The following PTPN3 variants were observed in gnomAD, a reference collection of about 807,000 sequenced individuals.
PTPN3 encodes the protein protein tyrosine phosphatase non-receptor type 3, also known as tyrosine-protein phosphatase non-receptor type 3.
In PTPN3, 96 loss-of-function variants were observed where a neutral mutation model predicts 132.7. That is an observed-to-expected ratio of 0.72 (90% confidence interval 0.61 to 0.86). PTPN3 has a LOEUF of 0.86. Among genes scored for constraint, PTPN3 ranks in the 40% least tolerant of loss-of-function variants. The pLI, the probability that PTPN3 is intolerant of heterozygous loss-of-function variation, is 0.00. For missense variants in PTPN3, 1,125 were observed against 1,159.6 expected (o/e 0.97, Z 0.43); for synonymous variants, 398 against 429.0 (o/e 0.93, Z 0.89).
At chr9:109,483,685 C>T (rs1157645799) in intron 1 of PTPN3, among the ~76,000 whole-genome samples, 1 of 152,154 alleles carries the variant, frequency 6.6e-6, no homozygotes, top group African/African-American at 2.4e-5. Flanking sequence ...TCTCACCGGG[C>T]TCTTACGATC....
At chr9:109,474,124 T>C (rs1006849004) in intron 1 of PTPN3, among the ~76,000 whole-genome samples, 1 of 151,992 alleles carries the variant, frequency 6.6e-6, no homozygotes, top group African/African-American at 2.4e-5. Context: ...GCCACCTTGG[T>C]GAACCCAGAC....
upstream of PTPN3, among the ~76,000 whole-genome samples, chr9:109,498,707 T>G (rs1034676054): frequency 6.6e-6 from 1 of 152,178 alleles, no homozygotes; most frequent in Non-Finnish European, 1.5e-5. The surrounding 1 kb of genome is among the most constrained non-coding windows in gnomAD (Gnocchi z 4.2). Flanking sequence ...ACTAGTAAGC[T>G]TCCCTGGTTA....
intron 9 of PTPN3, 88 bp downstream of exon 9, chr9:109,436,795 G>A: frequency 3.0e-5 from 45 of 1,492,374 alleles, no homozygotes; most frequent in South Asian, 1.1e-4. Flanking sequence ...TAATGAAAAA[G>A]AAATAGTTTC....
At chr9:109,457,432 T>A in intron 2 of PTPN3, 33 bp from the exon 3 acceptor site, 1 of 1,556,076 alleles carries the variant, frequency 6.4e-7, no homozygotes, top group South Asian at 1.2e-5. Context: ...GTGGGAAAAG[T>A]CTTAAATTAA....
chr9:109,513,066 T>G, the PTPN3 span, among the ~76,000 whole-genome samples: 1 of 152,224 alleles, frequency 6.6e-6, no homozygotes, highest in Non-Finnish European at 1.5e-5. Flanking sequence ...TGGGGTGCAG[T>G]GGCACAAACA....
rs572098685 is a variant in PTPN3, at chr9:109,455,819, A to T, written c.290-1245T>A. On this transcript the variant is annotated intron_variant, in intron 4 of 25. Coordinates refer to ENST00000374541, the MANE Select transcript of PTPN3 (RefSeq NM_002829.4). ...TTGGCTGTGGGCTCCTTGAGGGGAGAGTCCAAATTTGATCTGGACTGGATT... is the reference window on the plus strand; with the variant it reads ...TTGGCTGTGGGCTCCTTGAGGGGAGTGTCCAAATTTGATCTGGACTGGATT... Among the ~76,000 whole-genome samples, 5 of 152,256 alleles carry T rather than the reference A, an allele frequency of 3.3e-5. No homozygotes were observed. In the East Asian group the frequency reaches 5.8e-4, roughly 18 times the overall value.
rs537790150 is a variant in PTPN3, at chr9:109,422,667, A to T, written c.1136+51T>A. On this transcript the variant is annotated intron_variant, in intron 13 of 25. Transcript: ENST00000374541. ...AGTTGAGTTTTTATTTTTAAAAGAG[A>T]TAAAGTGTCTACTGTTGGGTAGTAC... The T allele has an allele frequency of 2.1e-5, 32 of 1,505,668 alleles. No individual in the cohort carries two copies. The East Asian group carries it at 7.2e-4, about 34-fold the overall frequency. The allele number at this position is 1,505,668 out of a possible 1,614,324, so 93.3% of individuals were successfully genotyped here.
At chr9:109,416,493 T>C (rs1274648861) in intron 14 of PTPN3, among the ~76,000 whole-genome samples, 1 of 150,680 alleles carries the variant, frequency 6.6e-6, no homozygotes, top group Non-Finnish European at 1.5e-5. Flanking sequence ...ATGCCCAGCC[T>C]GGAGTGCAGG....
At chr9:109,381,808 A>G (rs763213325) in intron 24 of PTPN3, 21 bp from the exon 25 acceptor site, 2 of 1,614,154 alleles carry the variant, frequency 1.2e-6, no homozygotes, top group South Asian at 2.2e-5. Context: ...GAGAGAAGAC[A>G]GACTTGGGAT....
intron 6 of PTPN3, among the ~76,000 whole-genome samples, 188 bp from the exon 7 acceptor site, chr9:109,445,480 TTTA>T (rs1315270231): frequency 1.3e-5 from 2 of 152,220 alleles, no homozygotes; most frequent in Admixed American, 1.3e-4. Context: ...ACTAAAATTT[TTTA>T]AAAATAAAAC....
chr9:109,485,696 C>T (rs1192848216), intron 1 of PTPN3, among the ~76,000 whole-genome samples: 2 of 152,102 alleles, frequency 1.3e-5, no homozygotes, highest in Non-Finnish European at 2.9e-5. Context: ...CTACGGAAAC[C>T]AGACTCTTCT....
chr9:109,523,413 C>T, the PTPN3 span, among the ~76,000 whole-genome samples: 9 of 152,136 alleles, frequency 5.9e-5, no homozygotes, highest in African/African-American at 2.2e-4. Context: ...TGTGCCCAGC[C>T]TATATCATTT....
chr9:109,472,050 G>A (rs1013149349), intron 1 of PTPN3, among the ~76,000 whole-genome samples: 6 of 152,152 alleles, frequency 3.9e-5, no homozygotes, highest in Admixed American at 6.5e-5. Flanking sequence ...CCCATCACTC[G>A]GTCTGGGAGA....
At chr9:109,449,063 G>C in intron 5 of PTPN3, 1 of 1,378,744 alleles carries the variant, frequency 7.3e-7, no homozygotes, top group South Asian at 1.7e-5. Flanking sequence ...CCTACGTCTT[G>C]ACTGGTGGGG....
At chr9:109,526,788 C>A in the PTPN3 span, among the ~76,000 whole-genome samples, 1 of 152,068 alleles carries the variant, frequency 6.6e-6, no homozygotes, top group Admixed American at 6.5e-5. Context: ...AAAGCTATAG[C>A]AATTAAGATA....
At chr9:109,436,851 T>A in intron 9 of PTPN3, 32 bp downstream of exon 9, 7 of 1,583,390 alleles carry the variant, frequency 4.4e-6, no homozygotes, top group Non-Finnish European at 6.0e-6. Context: ...AAAAACATAA[T>A]GTTTGAGCCA....
Position 109,410,398 on chromosome 9 carries a change from T to C in PTPN3, c.1331A>G (p.Asn444Ser), listed in dbSNP as rs769164037. 5 of 1,614,162 alleles carry C rather than the reference T, an allele frequency of 3.1e-6. No individual in the cohort carries two copies. The highest frequency in any genetic ancestry group is 4.5e-5 in the East Asian group (2 of 44,884). Residue 444 changes from asparagine to serine, a missense_variant, in exon 15 of 26, where the codon AAT (asparagine) becomes AGT (serine). By Grantham distance (46) the Asn-to-Ser change is conservative. Transcript: ENST00000374541. ...SPHQESLSEN[N>S]PAQSYLTQKS... The stretch of plus-strand genomic sequence containing the variant: ...CTGGGTCAGGTAGCTTTGTGCCGGA[T>C]TGTTCTCGGATAAACTCCTTCATCA...
intron 1 of PTPN3, among the ~76,000 whole-genome samples, chr9:109,487,249 A>G (rs977632301): frequency 1.3e-5 from 2 of 152,198 alleles, no homozygotes; most frequent in African/African-American, 4.8e-5. Flanking sequence ...AACAGAGAGG[A>G]ATTTCTCTGA....
chr9:109,449,306 T>C (rs771386552), intron 5 of PTPN3: 37 of 988,858 alleles, frequency 3.7e-5, no homozygotes, highest in Non-Finnish European at 4.4e-5. Flanking sequence ...CTGCATGAAG[T>C]TGCTAAAAGG....
Sources: allele counts gnomAD v4.1 joint callset (sites outside exome capture counted in the v4.1 genomes callset), GRCh38; gene constraint gnomAD v4.1.1; non-coding constraint Gnocchi (gnomAD v3.1); transcripts MANE v1.5; gene names NCBI Gene and HGNC (gene_info 2026-07-23, HGNC 2026-07-21).